Variants in FRAS1 observed in about 807,000 individuals in gnomAD.
FRAS1 encodes Fraser extracellular matrix complex subunit 1, also known as extracellular matrix organizing protein FRAS1.
FRAS1 carries 290 observed loss-of-function variants against 435.2 expected under a neutral mutation model. That is an observed-to-expected ratio of 0.67 (90% CI 0.61 to 0.73). FRAS1 has a LOEUF of 0.73. FRAS1 is among the 30% of genes least tolerant of loss of function. The probability of loss-of-function intolerance (pLI) is 0.00; values close to 1 mark genes in which losing one functional copy is unlikely to be tolerated. For synonymous variants in FRAS1, 1,800 were observed against 1,851.0 expected (o/e 0.97, Z 0.71); for missense variants, 4,860 against 5,001.5 (o/e 0.97, Z 0.85).
intron 5 of FRAS1, among the ~76,000 whole-genome samples, chr4:78,254,968 A>G (rs1413275956): frequency 2.0e-5 from 3 of 152,186 alleles, no homozygotes; most frequent in Admixed American, 6.5e-5. Context: ...GACAGCATTC[A>G]TTGGGATGGA....
chr4:78,081,497 A>ACT (rs1014192264), intron 2 of FRAS1, among the ~76,000 whole-genome samples: 14 of 152,126 alleles, frequency 9.2e-5, no homozygotes, highest in Middle Eastern at 3.4e-3. Context: ...CTACATGTGA[A>ACT]CTCCCCCTAT....
intron 29 of FRAS1, among the ~76,000 whole-genome samples, chr4:78,400,417 T>C (rs1481943958): frequency 6.6e-6 from 1 of 152,150 alleles, no homozygotes; most frequent in Non-Finnish European, 1.5e-5. Flanking sequence ...AATTCTTAAA[T>C]ATGGGTGGGT....
intron 2 of FRAS1, among the ~76,000 whole-genome samples, chr4:78,230,325 C>T (rs887067340): frequency 3.3e-5 from 5 of 152,190 alleles, no homozygotes; most frequent in African/African-American, 1.2e-4. Context: ...CCTGTATTTG[C>T]TCCTCCTGAA....
chr4:78,501,706 C>T (rs1322664149), intron 61 of FRAS1, among the ~76,000 whole-genome samples: 3 of 152,142 alleles, frequency 2.0e-5, no homozygotes, highest in Non-Finnish European at 2.9e-5. Context: ...TTGCATTTCT[C>T]TGATGACCGA....
chr4:78,318,063 A>C (rs1197936543), intron 17 of FRAS1, among the ~76,000 whole-genome samples: 2 of 152,190 alleles, frequency 1.3e-5, no homozygotes, highest in Non-Finnish European at 2.9e-5. Flanking sequence ...TATACATCAG[A>C]ATTAAGTGAA....
At chr4:78,296,998 A>T (rs1160646623) in intron 14 of FRAS1, among the ~76,000 whole-genome samples, 1 of 152,034 alleles carries the variant, frequency 6.6e-6, no homozygotes, top group Non-Finnish European at 1.5e-5. Context: ...GACAGAAAAA[A>T]TTTTTCATTC....
chr4:78,248,273 G>T (rs111236875), intron 4 of FRAS1, among the ~76,000 whole-genome samples: 1 of 152,176 alleles, frequency 6.6e-6, no homozygotes, highest in African/African-American at 2.4e-5. Context: ...TTTGTGCCTC[G>T]CCATGCCAAC....
Position 78,472,207 on chromosome 4 carries a change from C to T in FRAS1, c.7399C>T (p.Leu2467=). 6.2e-7 allele frequency: 1 copy of T among 1,613,982 alleles called. No individual in the cohort carries two copies. The highest frequency in any genetic ancestry group is 8.5e-7 in the Non-Finnish European group (1 of 1,179,852). ...AACCAACCTGATCACCAAGAAGGAA[C>T]TGCTGACCATGGACCCAGACACCGA... ...KATNLITKKE[L]LTMDPDTEDA... The change falls in exon 52 of 74, where the codon CTG becomes TTG. Residue 2467 remains leucine (L), a synonymous_variant. Transcript: ENST00000512123.
chr4:78,382,818 C>T (rs922648664), intron 27 of FRAS1, among the ~76,000 whole-genome samples: 2 of 152,112 alleles, frequency 1.3e-5, no homozygotes, highest in Admixed American at 1.3e-4. Context: ...CTCCTTTACC[C>T]CTAGTCACTG....
intron 2 of FRAS1, among the ~76,000 whole-genome samples, chr4:78,126,144 G>A (rs1310559507): frequency 1.3e-5 from 2 of 152,172 alleles, no homozygotes; most frequent in Non-Finnish European, 2.9e-5. Flanking sequence ...CAGCATCCCA[G>A]GTTGATCTCA....
rs1017646 is a variant in FRAS1, at chr4:78,255,207, T to C, written c.470-35T>C. On this transcript the variant is annotated intron_variant, in intron 5 of 73. Transcript: ENST00000512123. ...TCAGCCCTGGGATCAACAAATGCCATCCCCCTAGTAATCCTTGTTTCTTTG... is the reference window on the plus strand; with the variant it reads ...TCAGCCCTGGGATCAACAAATGCCACCCCCCTAGTAATCCTTGTTTCTTTG... The C allele has an allele frequency of 0.99, 1,528,154 of 1,550,994 alleles. 754,239 individuals carry two copies. The highest frequency in any genetic ancestry group is 1 in the Non-Finnish European group (1,144,474 of 1,146,644).
chr4:78,188,854 G>A (rs114182164), intron 2 of FRAS1, among the ~76,000 whole-genome samples: 1,739 of 152,226 alleles, frequency 0.011, 10 homozygotes, highest in Non-Finnish European at 0.017. Context: ...CTCTGTCCCC[G>A]TCCTCATGCT....
At chr4:78,171,601 C>T (rs973344231) in intron 2 of FRAS1, among the ~76,000 whole-genome samples, 1 of 152,126 alleles carries the variant, frequency 6.6e-6, no homozygotes, top group Non-Finnish European at 1.5e-5. Context: ...CGGGGACTCC[C>T]TTTGTAGCTT....
At position 78,427,529 on chromosome 4, in the gene FRAS1, C is replaced by T. The variant is rs4975061; in HGVS notation, c.4712-1566C>T. ...ATCTTAGATTACAGAGACATCAGAG[C>T]ATCCTGAATCCACTAAAACTTATGA... On this transcript the variant is annotated intron_variant, in intron 35 of 73. Coordinates refer to ENST00000512123, the MANE Select transcript of FRAS1 (RefSeq NM_025074.7). 2.0e-5 allele frequency among the ~76,000 whole-genome samples: 3 copies of T among 151,706 alleles called. No individual in the cohort carries two copies. The South Asian group carries it at 6.2e-4, about 31-fold the overall frequency.
intron 2 of FRAS1, among the ~76,000 whole-genome samples, chr4:78,073,127 A>C (rs900702319): frequency 1.4e-4 from 21 of 152,172 alleles, no homozygotes; most frequent in African/African-American, 5.1e-4. Context: ...ATTGGGCTCT[A>C]GCTGTCTCTG....
chr4:78,367,275 T>C (rs1731308057), intron 22 of FRAS1, among the ~76,000 whole-genome samples: 1 of 152,028 alleles, frequency 6.6e-6, no homozygotes, highest in Non-Finnish European at 1.5e-5. Flanking sequence ...CATGGTGGCA[T>C]GTGCCTGTGG....
At chr4:78,469,534 A>T (rs1719639726) in intron 50 of FRAS1, among the ~76,000 whole-genome samples, 1 of 152,258 alleles carries the variant, frequency 6.6e-6, no homozygotes, top group Non-Finnish European at 1.5e-5. Context: ...CATCTGGCAT[A>T]ATCCCACCTA....
At chr4:78,410,427 A>AT (rs1733286457) in intron 31 of FRAS1, among the ~76,000 whole-genome samples, 1 of 147,250 alleles carries the variant, frequency 6.8e-6, no homozygotes, top group South Asian at 2.1e-4. Flanking sequence ...AAATAAATAA[A>AT]AAATAAAATA....
intron 20 of FRAS1, among the ~76,000 whole-genome samples, chr4:78,361,206 T>C (rs1731060055): frequency 6.6e-6 from 1 of 152,226 alleles, no homozygotes; most frequent in Non-Finnish European, 1.5e-5. Flanking sequence ...ACAGCTGGGA[T>C]TGTGCTCCTG....
Sources: allele counts gnomAD v4.1 joint callset (sites outside exome capture counted in the v4.1 genomes callset), GRCh38; gene constraint gnomAD v4.1.1; transcripts MANE v1.5; gene names NCBI Gene and HGNC (gene_info 2026-07-23, HGNC 2026-07-21).